ICA1: variants seen among roughly 807,000 people sequenced by gnomAD.
ICA1 encodes the protein islet cell autoantigen 1, also known as 69 kDa islet cell autoantigen.
A neutral mutation model predicts 71.0 loss-of-function variants in ICA1; 40 were observed. That is an observed-to-expected ratio of 0.56 (90% CI 0.44 to 0.73). The LOEUF (loss-of-function observed/expected upper bound fraction) is 0.73. Among genes scored for constraint, ICA1 ranks in the 30% least tolerant of loss-of-function variants. ICA1 has a pLI of 0.00. For missense variants in ICA1, 578 were observed against 576.5 expected (o/e 1.00, Z -0.03); for synonymous variants, 207 against 209.5 (o/e 0.99, Z 0.10).
chr7:8,180,813 C>T (rs113908434), intron 6 of ICA1, among the ~76,000 whole-genome samples: 4 of 149,626 alleles, frequency 2.7e-5, no homozygotes, highest in Admixed American at 6.7e-5. Flanking sequence ...CATTTTTTCA[C>T]GAGGTGGCGG....
At position 8,142,063 on chromosome 7, in the gene ICA1, G is replaced by A. The variant is rs1447945616; in HGVS notation, c.903-246C>T. ...CAAATATTCTGTAAATATCTAGATGGGCAGTTAGATATAAATAAGATAGAC... is the reference window on the plus strand; with the variant it reads ...CAAATATTCTGTAAATATCTAGATGAGCAGTTAGATATAAATAAGATAGAC... On this transcript the variant is annotated intron_variant, in intron 9 of 13. Transcript: ENST00000402384. 4 of 1,367,724 alleles carry A rather than the reference G, an allele frequency of 2.9e-6. No individual in the cohort carries two copies. The African/African-American group carries it at 5.8e-5, about 20-fold the overall frequency. The allele number at this position is 1,367,724 out of a possible 1,614,324, so 84.7% of individuals were successfully genotyped here.
chr7:8,147,843 GA>G (rs1025582225), intron 8 of ICA1, among the ~76,000 whole-genome samples: 12 of 150,822 alleles, frequency 8.0e-5, no homozygotes, highest in African/African-American at 2.4e-4. Context: ...ATGTTGATGA[GA>G]AAAAAAAATG....
intron 1 of ICA1, chr7:8,237,035 C>G (rs1202451790): frequency 1.3e-5 from 2 of 152,174 alleles, no homozygotes; most frequent in African/African-American, 4.8e-5. Flanking sequence ...TTCAAGGGGA[C>G]AAAATTACGA....
At chr7:8,172,612 G>C (rs540363993) in intron 6 of ICA1, among the ~76,000 whole-genome samples, 4 of 152,066 alleles carry the variant, frequency 2.6e-5, no homozygotes, top group Non-Finnish European at 2.9e-5. Context: ...GGTTGGTCTG[G>C]TGTTAGATTT....
intron 1 of ICA1, among the ~76,000 whole-genome samples, chr7:8,261,332 C>T (rs1466403295): frequency 6.6e-6 from 1 of 152,122 alleles, no homozygotes; most frequent in Non-Finnish European, 1.5e-5. Flanking sequence ...TGGAGAGCCG[C>T]TTTGGGGGAA....
At chr7:8,189,900 G>T (rs1228274675) in intron 6 of ICA1, among the ~76,000 whole-genome samples, 3 of 152,210 alleles carry the variant, frequency 2.0e-5, no homozygotes. Context: ...ACTTAGAAAG[G>T]CGGATTTCAA....
chr7:8,236,222 T>A (rs1269548860), intron 1 of ICA1, among the ~76,000 whole-genome samples: 1 of 152,152 alleles, frequency 6.6e-6, no homozygotes, highest in Non-Finnish European at 1.5e-5. Flanking sequence ...ACAGGCAGAT[T>A]GAATGAAAAA....
chr7:8,221,834 A>G (rs1046290664), intron 4 of ICA1, among the ~76,000 whole-genome samples: 1 of 152,132 alleles, frequency 6.6e-6, no homozygotes, highest in Non-Finnish European at 1.5e-5. Context: ...GTTACATTCT[A>G]TTCCATTGTA....
intron 1 of ICA1, among the ~76,000 whole-genome samples, chr7:8,259,316 G>A (rs1000485111): frequency 1.3e-5 from 2 of 152,118 alleles, no homozygotes; most frequent in Non-Finnish European, 2.9e-5. Flanking sequence ...CATGGACCAC[G>A]TTTGAGTGAC....
chr7:8,114,858 G>A (rs2127988364), intron 13 of ICA1: 1 of 152,288 alleles, frequency 6.6e-6, no homozygotes, highest in African/African-American at 2.4e-5. Flanking sequence ...GATGACCTGT[G>A]TTTTTTTCTT....
chr7:8,148,523 A>C (rs1797797449), intron 8 of ICA1, among the ~76,000 whole-genome samples: 1 of 152,214 alleles, frequency 6.6e-6, no homozygotes, highest in Non-Finnish European at 1.5e-5. Flanking sequence ...AAATTGTTAC[A>C]TCGTAAGAAC....
chr7:8,200,338 C>CAAAAAAAAAAA (rs34371233), intron 6 of ICA1, among the ~76,000 whole-genome samples: 3 of 67,948 alleles, frequency 4.4e-5, no homozygotes, highest in Non-Finnish European at 7.7e-5. Flanking sequence ...CACAGTTGAG[C>CAAAAAAAAAAA]AAAAAAAAAA....
At chr7:8,238,679 T>A (rs986146960) in intron 1 of ICA1, among the ~76,000 whole-genome samples, 1 of 152,228 alleles carries the variant, frequency 6.6e-6, no homozygotes, top group Admixed American at 6.5e-5. Context: ...TTAATTTAAA[T>A]CCTTCATAGT....
chr7:8,211,584 C>A (rs1408583312), intron 6 of ICA1, among the ~76,000 whole-genome samples: 1 of 152,076 alleles, frequency 6.6e-6, no homozygotes, highest in Non-Finnish European at 1.5e-5. Flanking sequence ...TGTCTGGGGC[C>A]AAGATGAAAA....
intron 13 of ICA1, 163 bp from the exon 14 acceptor site, chr7:8,114,207 G>A (rs771794982): frequency 6.8e-6 from 5 of 736,978 alleles, no homozygotes; most frequent in Non-Finnish European, 6.6e-6. Context: ...AACTCCCGTG[G>A]CTGGTTGGCC....
At chr7:8,141,879 A>G in intron 9 of ICA1, 62 bp from the exon 10 acceptor site, 1 of 1,366,372 alleles carries the variant, frequency 7.3e-7, no homozygotes, top group South Asian at 1.2e-5. Context: ...TGATACAGCC[A>G]GACTTTCAGT....
At chr7:8,242,339 C>A (rs928259035) in intron 1 of ICA1, among the ~76,000 whole-genome samples, 2 of 152,138 alleles carry the variant, frequency 1.3e-5, no homozygotes, top group African/African-American at 4.8e-5. Context: ...GAAATGAAGG[C>A]AGACATAAAG....
At chr7:8,261,429 G>A (rs3807801) in intron 1 of ICA1, among the ~76,000 whole-genome samples, 98,529 of 151,994 alleles carry the variant, frequency 0.65, 33,087 homozygotes, top group African/African-American at 0.83. Context: ...AGTCAGCAGC[G>A]CCCAAAGGAA....
Position 8,160,011 on chromosome 7 carries a change from C to T in ICA1, c.580-1359G>A, listed in dbSNP as rs1188397000. Reference sequence around the variant, plus strand: ...TAATAATTCTTTCATCATAGGATACCAGGAGGGCATGGACCATGTCTACGT... The same window carrying T: ...TAATAATTCTTTCATCATAGGATACTAGGAGGGCATGGACCATGTCTACGT... On this transcript the variant is annotated intron_variant, in intron 6 of 13. Transcript: ENST00000402384. Among the ~76,000 whole-genome samples the T allele has an allele frequency of 2.6e-5, 4 of 151,556 alleles. No homozygotes were observed. In the East Asian group the frequency reaches 7.7e-4, roughly 29 times the overall value.
Sources: allele counts gnomAD v4.1 joint callset (sites outside exome capture counted in the v4.1 genomes callset), GRCh38; gene constraint gnomAD v4.1.1; transcripts MANE v1.5; gene names NCBI Gene and HGNC (gene_info 2026-07-23, HGNC 2026-07-21).